The following DMXL1 variants were observed in gnomAD, a reference collection of about 807,000 sequenced individuals.
DMXL1 encodes dmX-like protein 1.
Under a neutral mutation model 319.2 loss-of-function variants are expected in DMXL1, and 99 were observed. The observed-to-expected ratio is 0.31, with a 90% confidence interval of 0.26 to 0.37. The LOEUF is 0.37. DMXL1 is among the 10% of genes least tolerant of loss of function. The probability of loss-of-function intolerance (pLI) is 1.00; values close to 1 mark genes in which losing one functional copy is unlikely to be tolerated. For missense variants in DMXL1, 3,745 were observed against 3,595.6 expected (o/e 1.04, Z -1.06); for synonymous variants, 1,385 against 1,235.2 (o/e 1.12, Z -2.54).
At chr5:119,086,186 C>G (rs111880046) in intron 1 of DMXL1, among the ~76,000 whole-genome samples, 2,831 of 152,192 alleles carry the variant, frequency 0.019, 97 homozygotes, top group African/African-American at 0.065. Context: ...TGGGTTTCCC[C>G]TTATGAAACC....
At chr5:119,100,297 G>A (rs1308016457) in intron 2 of DMXL1, among the ~76,000 whole-genome samples, 3 of 151,734 alleles carry the variant, frequency 2.0e-5, no homozygotes, top group African/African-American at 4.8e-5. Context: ...TTAGCTGGGC[G>A]TGGTGGCGGG....
At chr5:119,203,574 G>T (rs1781209138) in intron 33 of DMXL1, 138 bp downstream of exon 33, 1 of 362,764 alleles carries the variant, frequency 2.8e-6, no homozygotes, top group Admixed American at 4.6e-5. Flanking sequence ...GCTTAGAACA[G>T]TGTAATTTAT....
intron 13 of DMXL1, among the ~76,000 whole-genome samples, chr5:119,135,628 G>T (rs574646990): frequency 7.7e-4 from 117 of 152,236 alleles, no homozygotes; most frequent in African/African-American, 2.4e-3. Flanking sequence ...CATGGGGGCA[G>T]TTCTCCCATC....
At chr5:119,220,687 T>C (rs1784499342) in intron 36 of DMXL1, 94 bp downstream of exon 36, 2 of 1,457,452 alleles carry the variant, frequency 1.4e-6, no homozygotes, top group South Asian at 2.7e-5. Context: ...TAAAGCAATG[T>C]ATAGATTGTA....
chr5:119,077,037 A>G (rs1017182212), intron 1 of DMXL1, among the ~76,000 whole-genome samples: 1 of 152,270 alleles, frequency 6.6e-6, no homozygotes, highest in Non-Finnish European at 1.5e-5. Context: ...TTAAATAAAA[A>G]GAGATGGGGG....
chr5:119,235,296 T>C (rs942608654), intron 39 of DMXL1, among the ~76,000 whole-genome samples: 6 of 152,100 alleles, frequency 3.9e-5, no homozygotes, highest in Non-Finnish European at 8.8e-5. Context: ...AAGAATATAT[T>C]ACATTTATAC....
In DMXL1 at chr5:119,240,421, A is replaced by G; in HGVS notation, c.8654A>G (p.Asn2885Ser). ...GTAATCTTTTTTTTTTTTTCCAGAAACGTATGTTTGTGGGATACTCTTGTA... is the reference window on the plus strand; with the variant it reads ...GTAATCTTTTTTTTTTTTTCCAGAAGCGTATGTTTGTGGGATACTCTTGTA... ...ATAGLSTDNR[N>S]VCLWDTLVAP... Residue 2885 changes from asparagine (N) to serine (S), a missense_variant and splice_region_variant, in exon 42 of 44, where the codon AAC becomes AGC. Asn to Ser is a conservative substitution (Grantham distance 46). Transcript: ENST00000539542. The G allele has an allele frequency of 6.3e-7, 1 of 1,594,768 alleles. No homozygotes were observed.
chr5:119,123,991 C>G (rs573776328), intron 9 of DMXL1, among the ~76,000 whole-genome samples: 24 of 151,148 alleles, frequency 1.6e-4, no homozygotes, highest in African/African-American at 5.6e-4. Context: ...CATCAGTGTA[C>G]TCAATTTAAC....
intron 38 of DMXL1, among the ~76,000 whole-genome samples, chr5:119,227,194 T>A (rs1785742681): frequency 6.6e-6 from 1 of 152,240 alleles, no homozygotes; most frequent in Non-Finnish European, 1.5e-5. Context: ...ATGTATTTTA[T>A]GTCACACTGG....
Position 119,170,493 on chromosome 5 carries a change from G to C in DMXL1, c.5702G>C (p.Ser1901Thr). Residue 1901 changes from serine (S) to threonine (T), a missense_variant, in exon 24 of 44, where the codon AGT (serine) becomes ACT (threonine). This residue lies in a region of DMXL1 where 1,382 missense variants were observed against 1,269.5 expected (regional missense o/e 1.09). Coordinates refer to ENST00000539542, the MANE Select transcript of DMXL1 (RefSeq NM_001290321.3). ...FYRASSFLDT[S>T]KDCSPSSPLK... Reference sequence around the variant, plus strand: ...AGGGCTTCTAGTTTTCTGGATACTAGTAAAGACTGTTCTCCTTCTTCTCCA... The same window carrying C: ...AGGGCTTCTAGTTTTCTGGATACTACTAAAGACTGTTCTCCTTCTTCTCCA... The C allele has an allele frequency of 6.2e-7, 1 of 1,613,818 alleles. No individual in the cohort carries two copies. Among genetic ancestry groups the C allele is most frequent in the Non-Finnish European group, 8.5e-7 (1 of 1,179,886 alleles).
intron 38 of DMXL1, among the ~76,000 whole-genome samples, chr5:119,229,634 A>G (rs999387321): frequency 1.3e-5 from 2 of 152,164 alleles, no homozygotes; most frequent in African/African-American, 4.8e-5. Flanking sequence ...CATCCTTCAT[A>G]CCTCATAGCT....
chr5:119,208,266 T>C (rs1782104459), intron 34 of DMXL1, among the ~76,000 whole-genome samples: 1 of 150,000 alleles, frequency 6.7e-6, no homozygotes. Flanking sequence ...CAGACTGGAG[T>C]GCAGTGGCGC....
intron 37 of DMXL1, among the ~76,000 whole-genome samples, chr5:119,221,421 G>A (rs951284178): frequency 6.6e-6 from 1 of 152,086 alleles, no homozygotes; most frequent in Non-Finnish European, 1.5e-5. Context: ...GCTAAGAATG[G>A]TGTATACATT....
In DMXL1 at chr5:119,211,711, T is replaced by C. The variant is rs189606303; in HGVS notation, c.7926+4815T>C. 8.3e-4 allele frequency among the ~76,000 whole-genome samples: 126 copies of C among 152,376 alleles called. 1 individual carries two copies. Among genetic ancestry groups the C allele is most frequent in the African/African-American group, 2.7e-3 (112 of 41,586 alleles). ...ATTCTTTAGATATCATTTTACTTCA[T>C]ATTTGTGTCATTAGAGTGGCAATGA... On this transcript the variant is annotated intron_variant, in intron 34 of 43. Transcript: ENST00000539542.
intron 1 of DMXL1, among the ~76,000 whole-genome samples, chr5:119,090,730 T>A (rs1175117570): frequency 2.0e-5 from 3 of 150,834 alleles, no homozygotes; most frequent in African/African-American, 4.9e-5. Flanking sequence ...GCCTGGCTAA[T>A]TTTTTTTTGT....
intron 35 of DMXL1, among the ~76,000 whole-genome samples, chr5:119,217,464 C>T (rs1325861281): frequency 6.6e-6 from 1 of 152,100 alleles, no homozygotes; most frequent in African/African-American, 2.4e-5. Flanking sequence ...GATGTCTATA[C>T]ACTCCTCACA....
In DMXL1 at chr5:119,178,256, A is replaced by C. The variant is rs769850001; in HGVS notation, c.7135+12A>C. 2.5e-6 allele frequency: 4 copies of C among 1,608,758 alleles called. No individual in the cohort carries two copies. The African/African-American group carries it at 4.0e-5, about 16-fold the overall frequency. ...AAAAACTTTACCTGGTGAGTTTAAA[A>C]AATTTTTTTAGGACTGAAGCTTTAT... On this transcript the variant is annotated intron_variant, in intron 28 of 43. Coordinates refer to ENST00000539542, the MANE Select transcript of DMXL1 (RefSeq NM_001290321.3).
At chr5:119,228,762 A>G (rs1786087514) in intron 38 of DMXL1, among the ~76,000 whole-genome samples, 1 of 152,174 alleles carries the variant, frequency 6.6e-6, no homozygotes, top group African/African-American at 2.4e-5. Context: ...AAAATATCAA[A>G]CAGTTTAAAA....
rs144448699 is a variant in DMXL1, at chr5:119,145,270, G to A, written c.2569+632G>A. Among the ~76,000 whole-genome samples the A allele has an allele frequency of 2.9e-3, 445 of 151,798 alleles. 3 individuals carry two copies. The highest frequency in any genetic ancestry group is 4.8e-3 in the Non-Finnish European group (323 of 67,690). On this transcript the variant is annotated intron_variant, in intron 15 of 43. Transcript: ENST00000539542. ...CATATGTTAAATATCTTCTCCATTTGTTCAGACTTTTTTCTTCTCTTTTAC... is the reference window on the plus strand; with the variant it reads ...CATATGTTAAATATCTTCTCCATTTATTCAGACTTTTTTCTTCTCTTTTAC...
Sources: gnomAD v4.1 joint callset for allele counts (sites outside exome capture counted in the v4.1 genomes callset) on GRCh38, gnomAD v4.1.1 for gene constraint, gnomAD v4.1.1 regional missense constraint, MANE v1.5 for transcripts, NCBI Gene and HGNC (gene_info 2026-07-23, HGNC 2026-07-21) for gene names.